ALDH18A1: variants seen among roughly 807,000 people sequenced by gnomAD.
ALDH18A1 encodes the protein delta-1-pyrroline-5-carboxylate synthase.
A neutral mutation model predicts 88.8 loss-of-function variants in ALDH18A1; 44 were observed. The observed-to-expected ratio is 0.50, with a 90% CI of 0.39 to 0.64. The LOEUF (loss-of-function observed/expected upper bound fraction) is 0.64, where lower values mean the gene tolerates loss of function less well. Ranked by LOEUF, ALDH18A1 falls within the 30% of genes least tolerant of loss-of-function variation. The pLI is 0.00. For synonymous variants in ALDH18A1, 331 were observed against 372.1 expected, an observed-to-expected ratio of 0.89 and a Z score of 1.27; for missense variants, 782 against 1,009.5, an observed-to-expected ratio of 0.77 and a Z score of 3.05.
At chr10:95,628,262 C>T in intron 8 of ALDH18A1, 106 bp downstream of exon 8, 1 of 1,487,558 alleles carries the variant, frequency 6.7e-7, no homozygotes, top group Non-Finnish European at 9.3e-7. Context: ...TGTGTATGTG[C>T]CTACTATCTG....
intron 13 of ALDH18A1, among the ~76,000 whole-genome samples, chr10:95,615,693 G>C (rs897522642): frequency 6.6e-6 from 1 of 152,158 alleles, no homozygotes; most frequent in Non-Finnish European, 1.5e-5. Flanking sequence ...TGGTCACTGA[G>C]TGTGTAATGA....
chr10:95,653,386 G>A lies in ALDH18A1; in HGVS notation c.-9C>T. The A allele has an allele frequency of 6.2e-7, 1 of 1,613,450 alleles. No homozygotes were observed. Among genetic ancestry groups the A allele is most frequent in the Non-Finnish European group, 8.5e-7 (1 of 1,179,898 alleles). On this transcript the variant is annotated 5_prime_UTR_variant, in exon 2 of 18. Coordinates refer to ENST00000371224, the MANE Select transcript of ALDH18A1 (RefSeq NM_002860.4). ...TAAACTTGACTCAACATGCTGCGAT[G>A]TGGTCACTAACCAAAGTATCTGCAG...
chr10:95,614,035 C>A lies in ALDH18A1; in HGVS notation c.1732G>T (p.Gly578Trp). Reference sequence around the variant, plus strand: ...ATGTGACAGATCCCTTCGCTGTGCCCCATCACTGGAATCCCCTTAGCAGCT... The same window carrying A: ...ATGTGACAGATCCCTTCGCTGTGCCACATCACTGGAATCCCCTTAGCAGCT... ...QKAAKGIPVM[G>W]HSEGICHMYV... is the part of the protein sequence containing the mutation. Residue 578 changes from glycine (G) to tryptophan (W), a missense_variant, in exon 14 of 18, where the codon GGG (glycine) becomes TGG (tryptophan). Physicochemically the swap from Gly to Trp is radical, Grantham distance 184. This residue lies in a region of ALDH18A1 where 556 missense variants were observed against 654.5 expected (regional missense o/e 0.85). Transcript: ENST00000371224. 1 of 1,614,176 alleles carries A rather than the reference C, an allele frequency of 6.2e-7. No individual in the cohort carries two copies. Among genetic ancestry groups the A allele is most frequent in the Non-Finnish European group, 8.5e-7 (1 of 1,180,016 alleles).
At chr10:95,641,817 T>A (rs1021985584) in intron 3 of ALDH18A1, among the ~76,000 whole-genome samples, 21 of 151,696 alleles carry the variant, frequency 1.4e-4, no homozygotes, top group African/African-American at 2.7e-4. Flanking sequence ...TTTAAAAAAA[T>A]TTTTGTAGAG....
At chr10:95,644,289 C>G (rs2097897249) in intron 2 of ALDH18A1, among the ~76,000 whole-genome samples, 2 of 152,192 alleles carry the variant, frequency 1.3e-5, no homozygotes, top group Admixed American at 6.5e-5. Flanking sequence ...TCAAAGAAAC[C>G]AGACAGCTTT....
In ALDH18A1 at chr10:95,606,909, G is replaced by A. The variant is rs759016790; in HGVS notation, c.2241C>T (p.His747=). The change falls in exon 18 of 18, where the codon CAC becomes CAT. Residue 747 remains histidine, a synonymous_variant. Transcript: ENST00000371224. The stretch of plus-strand genomic sequence containing the variant: ...CCTCAAGTCCTACTGGTCCCCGGGC[G>A]TGGATTCTCGATGTACTGATTCCCA... The part of the protein sequence containing the change: ...AEVGISTSRI[H]ARGPVGLEGL... The A allele has an allele frequency of 2.4e-5, 39 of 1,614,012 alleles. No homozygotes were observed. In the South Asian group the frequency reaches 2.5e-4, roughly 10 times the overall value.
At position 95,614,202 on chromosome 10, in the gene ALDH18A1, C is replaced by T. The variant is rs781183293; in HGVS notation, c.1606-41G>A. The T allele has an allele frequency of 8.8e-6, 14 of 1,597,812 alleles. No individual in the cohort carries two copies. The South Asian group carries it at 1.3e-4, about 15-fold the overall frequency. On this transcript the variant is annotated intron_variant, in intron 13 of 17. Coordinates refer to ENST00000371224, the MANE Select transcript of ALDH18A1 (RefSeq NM_002860.4). ...AGAAAAAGATAAAGATGACATCTGA[C>T]CACACAAAATATAAAAACAGCAGCT... is the stretch of plus-strand genomic sequence containing the variant.
chr10:95,643,214 C>T lies in ALDH18A1; in HGVS notation c.89-8G>A. The T allele has an allele frequency of 6.2e-7, 1 of 1,613,682 alleles. No individual in the cohort carries two copies. The highest frequency in any genetic ancestry group is 2.2e-5 in the East Asian group (1 of 44,890). On this transcript the variant is annotated splice_polypyrimidine_tract_variant and splice_region_variant and intron_variant, in intron 2 of 17. Transcript: ENST00000371224. The stretch of plus-strand genomic sequence containing the variant: ...CTGAAGGCTGGATACAATCTGTAGC[C>T]ATCAAAGTCAAATGCAAGAAAAAAA...
intron 2 of ALDH18A1, 31 bp downstream of exon 2, chr10:95,653,259 C>T: frequency 6.5e-7 from 1 of 1,546,424 alleles, no homozygotes; most frequent in Non-Finnish European, 8.9e-7. Flanking sequence ...TCAAACGTCC[C>T]ACATACTCAT....
intron 11 of ALDH18A1, among the ~76,000 whole-genome samples, chr10:95,624,327 GT>G (rs2097857534): frequency 6.6e-6 from 1 of 152,142 alleles, no homozygotes; most frequent in African/African-American, 2.4e-5. Flanking sequence ...GCAACAACAG[GT>G]TTACCCTCTG....
intron 13 of ALDH18A1, among the ~76,000 whole-genome samples, chr10:95,615,338 C>CAAA: frequency 8.1e-6 from 1 of 123,442 alleles, no homozygotes; most frequent in East Asian, 2.8e-4. Context: ...GACCATGTCT[C>CAAA]AAAAAAAAAA....
intron 5 of ALDH18A1, among the ~76,000 whole-genome samples, chr10:95,636,184 C>T (rs2097880317): frequency 6.6e-6 from 1 of 152,076 alleles, no homozygotes; most frequent in African/African-American, 2.4e-5. Flanking sequence ...GAAGCAAAAC[C>T]TGAAACAATA....
At chr10:95,634,791 G>A (rs535154752) in intron 5 of ALDH18A1, among the ~76,000 whole-genome samples, 29 of 152,310 alleles carry the variant, frequency 1.9e-4, no homozygotes, top group African/African-American at 6.7e-4. Flanking sequence ...TGGGTGAATG[G>A]AGATAGCAAG....
chr10:95,654,425 T>C (rs2097914836), intron 1 of ALDH18A1, among the ~76,000 whole-genome samples: 1 of 152,022 alleles, frequency 6.6e-6, no homozygotes. Flanking sequence ...GGCCTCCCAA[T>C]ATTGTAGCTC....
In ALDH18A1 at chr10:95,651,672, A is replaced by G. The variant is rs143375898; in HGVS notation, c.88+1618T>C. 7.9e-3 allele frequency among the ~76,000 whole-genome samples: 1,202 copies of G among 152,216 alleles called. 13 individuals are homozygous for G. Among genetic ancestry groups the G allele is most frequent in the Non-Finnish European group, 9.0e-3 (610 of 68,006 alleles). ...AGGGGGTGGTGCCACACACTTAACC[A>G]GATCTTGTGAGAAGTCACTCACTAT... On this transcript the variant is annotated intron_variant, in intron 2 of 17. Coordinates refer to ENST00000371224, the MANE Select transcript of ALDH18A1 (RefSeq NM_002860.4).
At chr10:95,640,937 T>C (rs1028108960) in intron 3 of ALDH18A1, among the ~76,000 whole-genome samples, 4 of 152,216 alleles carry the variant, frequency 2.6e-5, no homozygotes, top group African/African-American at 9.6e-5. Context: ...CCTAATGGAA[T>C]GATCCACTTT....
Position 95,611,372 on chromosome 10 carries a change from C to T in ALDH18A1, c.1994G>A (p.Arg665Gln), listed in dbSNP as rs766264810. 5.6e-6 allele frequency: 9 copies of T among 1,614,060 alleles called. No homozygotes were observed. The highest frequency in any genetic ancestry group is 4.0e-5 in the African/African-American group (3 of 74,924). The change falls in exon 16 of 18, where the codon CGA becomes CAA. Residue 665 changes from arginine (R) to glutamine (Q), a missense_variant. Physicochemically the swap from Arg to Gln is conservative, Grantham distance 43 (BLOSUM62 1). Around this residue, in one of 3 missense-constraint regions of ALDH18A1, gnomAD observed 556 missense variants for 654.5 expected, o/e 0.85. Transcript: ENST00000371224. ...TAATTCCAGGTCCCCATACTCAGTT[C>T]GGAGTGACTTCACTTCGGAGGGGCT... ...TFSPSEVKSL[R>Q]TEYGDLELCI...
intron 5 of ALDH18A1, among the ~76,000 whole-genome samples, chr10:95,634,509 A>G (rs1354102529): frequency 6.6e-6 from 1 of 152,254 alleles, no homozygotes; most frequent in Non-Finnish European, 1.5e-5. Flanking sequence ...AAAATGGAAT[A>G]GGGCTGTGTT....
intron 3 of ALDH18A1, among the ~76,000 whole-genome samples, chr10:95,641,343 C>A (rs1172151402): frequency 6.6e-6 from 1 of 152,006 alleles, no homozygotes. Flanking sequence ...AGTTCTGGCT[C>A]GCAAAGGGTA....
Sources: allele counts gnomAD v4.1 joint callset (sites outside exome capture counted in the v4.1 genomes callset), GRCh38; gene constraint gnomAD v4.1.1; regional missense constraint gnomAD v4.1.1; transcripts MANE v1.5; gene names NCBI Gene and HGNC (gene_info 2026-07-23, HGNC 2026-07-21).